The following GPC3 variants were observed in gnomAD, a reference collection of about 807,000 sequenced individuals.
The protein encoded by GPC3 is glypican-3.
In GPC3, 3 loss-of-function variants were observed where a neutral mutation model predicts 34.4. That is an observed-to-expected ratio of 0.09 (90% confidence interval 0.04 to 0.23). The LOEUF is 0.23. Ranked by LOEUF, GPC3 falls within the 10% of genes least tolerant of loss-of-function variation. GPC3 has a pLI of 1.00. For synonymous variants in GPC3, 177 were observed against 174.0 expected (o/e 1.02, Z -0.13); for missense variants, 351 against 445.6 (o/e 0.79, Z 1.91).
chrX:133,939,181 A>G (rs926893354), intron 2 of GPC3, among the ~76,000 whole-genome samples: 1 of 111,758 alleles, frequency 8.9e-6, no homozygotes, highest in South Asian at 3.8e-4. Context: ...ATGTTGATGA[A>G]GTCAAGACAC....
chrX:133,930,360 T>C (rs1217499816), intron 2 of GPC3, among the ~76,000 whole-genome samples: 1 of 112,169 alleles, frequency 8.9e-6, no homozygotes, highest in Non-Finnish European at 1.9e-5. Context: ...GACAAAGAAT[T>C]ACCTTGTCCC....
intron 2 of GPC3, among the ~76,000 whole-genome samples, chrX:133,801,700 C>T (rs1482596537): frequency 8.9e-6 from 1 of 112,212 alleles, no homozygotes; most frequent in Non-Finnish European, 1.9e-5. Context: ...TAAAATACAA[C>T]AAGACATGTA....
chrX:133,983,025 A>G (rs1482852272), intron 1 of GPC3, among the ~76,000 whole-genome samples: 1 of 112,044 alleles, frequency 8.9e-6, no homozygotes, highest in Non-Finnish European at 1.9e-5. Flanking sequence ...TACAGTGACC[A>G]TATTTGTCCC....
In GPC3 at chrX:133,535,968, G is replaced by C. The variant is rs1316555005; in HGVS notation, c.*156C>G. On this transcript the variant is annotated 3_prime_UTR_variant, in exon 8 of 8. Transcript: ENST00000370818. ...CTCCAAAAGATACCATTTGATTTTC[G>C]AAAACATAACACATGGTTAGTCCTC... The C allele has an allele frequency of 6.8e-6, 3 of 438,894 alleles. No homozygotes were observed. The highest frequency in any genetic ancestry group is 1.2e-5 in the Non-Finnish European group (3 of 255,767). The allele number at this position is 438,894 out of a possible 1,213,427, so 36.2% of individuals were successfully genotyped here. A position where few individuals can be genotyped will look rare whatever the true frequency, so the allele number is the denominator to read the frequency against.
At chrX:133,572,539 A>T (rs772737047) in intron 7 of GPC3, among the ~76,000 whole-genome samples, 6 of 111,870 alleles carry the variant, frequency 5.4e-5, no homozygotes, top group African/African-American at 1.9e-4. Flanking sequence ...ATTTGAAAAG[A>T]TCTACAAAAT....
At chrX:133,979,352 G>A (rs1648190696) in intron 1 of GPC3, among the ~76,000 whole-genome samples, 1 of 111,840 alleles carries the variant, frequency 8.9e-6, no homozygotes, top group African/African-American at 3.3e-5. Flanking sequence ...CTCAAATTAG[G>A]CTTTGTCCAG....
chrX:133,972,432 G>A (rs1204070660), intron 1 of GPC3, among the ~76,000 whole-genome samples: 1 of 112,059 alleles, frequency 8.9e-6, no homozygotes, highest in East Asian at 2.8e-4. Context: ...TTCCCTATGG[G>A]AAGAGCCAAA....
At chrX:133,753,419 T>C (rs1302121901) in intron 3 of GPC3, 63 bp downstream of exon 3, 28 of 883,318 alleles carry the variant, frequency 3.2e-5, no homozygotes, top group Non-Finnish European at 4.5e-5. Context: ...CATCAGTACC[T>C]GCTACTGGCC....
intron 3 of GPC3, among the ~76,000 whole-genome samples, chrX:133,715,161 G>A (rs2071303056): frequency 8.9e-6 from 1 of 112,046 alleles, no homozygotes; most frequent in Admixed American, 9.4e-5. Flanking sequence ...GAAGGCACCA[G>A]ACTAGCTGAG....
intron 6 of GPC3, among the ~76,000 whole-genome samples, chrX:133,659,871 C>T (rs1459417088): frequency 8.9e-6 from 1 of 111,747 alleles, no homozygotes; most frequent in Non-Finnish European, 1.9e-5. Context: ...TACCACTGTC[C>T]CCAAGTGAAG....
At chrX:133,825,253 T>A (rs970468708) in intron 2 of GPC3, among the ~76,000 whole-genome samples, 17 of 112,110 alleles carry the variant, frequency 1.5e-4, no homozygotes, top group African/African-American at 5.2e-4. Context: ...GTAAGAATAG[T>A]GAATTTTGTG....
At chrX:133,807,451 A>G (rs2075642218) in intron 2 of GPC3, among the ~76,000 whole-genome samples, 1 of 111,915 alleles carries the variant, frequency 8.9e-6, no homozygotes, top group African/African-American at 3.3e-5. Context: ...CTTTATAGTA[A>G]CACAAATGGA....
chrX:133,665,638 A>G (rs2070761291), intron 5 of GPC3, among the ~76,000 whole-genome samples: 2 of 112,383 alleles, frequency 1.8e-5, no homozygotes, highest in Admixed American at 1.9e-4. Context: ...TAACTTTAAA[A>G]GTTAACTCAT....
intron 2 of GPC3, among the ~76,000 whole-genome samples, chrX:133,880,153 C>T (rs2076035535): frequency 8.9e-6 from 1 of 111,937 alleles, no homozygotes; most frequent in South Asian, 3.8e-4. Flanking sequence ...TAATCCAACC[C>T]TCATGTGATA....
At chrX:133,863,819 C>G (rs12353608) in intron 2 of GPC3, among the ~76,000 whole-genome samples, 2 of 102,331 alleles carry the variant, frequency 2.0e-5, no homozygotes, top group African/African-American at 3.7e-5. Flanking sequence ...CCGCGCCCGG[C>G]TAATTTTTTG....
intron 2 of GPC3, among the ~76,000 whole-genome samples, chrX:133,787,693 A>G (rs1253294961): frequency 1.8e-5 from 2 of 111,447 alleles, no homozygotes. Flanking sequence ...TTATTCATCA[A>G]CTGATCTAGC....
intron 2 of GPC3, among the ~76,000 whole-genome samples, chrX:133,906,063 C>G (rs910041336): frequency 5.4e-5 from 6 of 112,123 alleles, no homozygotes; most frequent in African/African-American, 1.9e-4. Context: ...CCTAGATTGT[C>G]TCCACACATT....
chrX:133,678,444 T>C (rs1348379245), intron 5 of GPC3, among the ~76,000 whole-genome samples: 1 of 111,523 alleles, frequency 9.0e-6, no homozygotes, highest in African/African-American at 3.3e-5. Context: ...ACCCCTTCAA[T>C]GTAAACCCCC....
chrX:133,739,673 C>T (rs1202897658), intron 3 of GPC3, among the ~76,000 whole-genome samples: 1 of 108,712 alleles, frequency 9.2e-6, no homozygotes, highest in Non-Finnish European at 1.9e-5. Context: ...TAGCAAGACC[C>T]TGTCTCTACT....
Sources: gnomAD v4.1 joint callset for allele counts (sites outside exome capture counted in the v4.1 genomes callset) on GRCh38, gnomAD v4.1.1 for gene constraint, MANE v1.5 for transcripts, NCBI Gene and HGNC (gene_info 2026-07-23, HGNC 2026-07-21) for gene names.